Variants in NLRC5 observed in about 807,000 individuals in gnomAD.
NLRC5 encodes NLR family CARD domain containing 5.
In NLRC5, 114 loss-of-function variants were observed where a neutral mutation model predicts 206.9. The ratio of observed to expected loss-of-function variants is 0.55; its 90% confidence interval spans 0.47 to 0.64. NLRC5 has a LOEUF of 0.64. Among genes scored for constraint, NLRC5 ranks in the 30% least tolerant of loss-of-function variants. The probability of loss-of-function intolerance (pLI) is 0.00; values close to 1 mark genes in which losing one functional copy is unlikely to be tolerated. For missense variants in NLRC5, 2,008 were observed against 2,305.5 expected (o/e 0.87, Z 2.64); for synonymous variants, 952 against 962.8 (o/e 0.99, Z 0.21).
At chr16:57,073,308 G>T (rs2067998608) in intron 38 of NLRC5, among the ~76,000 whole-genome samples, 1 of 152,140 alleles carries the variant, frequency 6.6e-6, no homozygotes, top group Non-Finnish European at 1.5e-5. Flanking sequence ...GTGCCCGGAG[G>T]TCTCTTCCCA....
At chr16:57,063,816 G>C (rs1286476793) in intron 32 of NLRC5, among the ~76,000 whole-genome samples, 2 of 152,042 alleles carry the variant, frequency 1.3e-5, no homozygotes, top group Non-Finnish European at 2.9e-5. Context: ...TCGGCTCACT[G>C]CAAGCTCCGC....
intron 6 of NLRC5, 96 bp downstream of exon 6, chr16:57,027,114 A>G: frequency 7.1e-7 from 1 of 1,399,034 alleles, no homozygotes; most frequent in Non-Finnish European, 9.6e-7. Context: ...GGACTGGATA[A>G]GAATCTTGAA....
At chr16:56,991,014 A>G (rs568497678) in intron 1 of NLRC5, 7 of 152,296 alleles carry the variant, frequency 4.6e-5, no homozygotes, top group African/African-American at 1.4e-4. Flanking sequence ...CTGGATGACC[A>G]TGAACTAACC....
chr16:56,996,332 C>T (rs897849036), intron 1 of NLRC5, among the ~76,000 whole-genome samples: 6 of 151,980 alleles, frequency 3.9e-5, no homozygotes, highest in East Asian at 1.9e-4. Context: ...TGCGCACCAC[C>T]ACACCTGGCT....
rs549965020 is a variant in NLRC5 at position 57,023,831 on chromosome 16, G to A, written c.402G>A (p.Lys134=). 4 of 1,611,928 alleles carry A rather than the reference G, an allele frequency of 2.5e-6. No individual in the cohort carries two copies. The South Asian group carries it at 4.4e-5, about 18-fold the overall frequency. Residue 134 remains lysine (K), a synonymous_variant, in exon 5 of 49, where the codon AAG becomes AAA. Transcript: ENST00000688547. ...GCTGTGGGTCCTCACCCCGCCGGAAGCAGTGCAAGAAGCAGCAGCTAGGTG... is the reference window on the plus strand; with the variant it reads ...GCTGTGGGTCCTCACCCCGCCGGAAACAGTGCAAGAAGCAGCAGCTAGGTG... ...HQSCGSSPRR[K]QCKKQQLELA... is the part of the protein sequence containing the mutation.
Position 57,058,298 on chromosome 16 carries a change from C to A in NLRC5, c.3830+150C>A, listed in dbSNP as rs1371209634. The A allele has an allele frequency of 1.6e-5, 10 of 643,772 alleles. No individual in the cohort carries two copies. In the African/African-American group the frequency reaches 1.8e-4, roughly 12 times the overall value. The allele number at this position is 643,772 out of a possible 1,614,324, so 39.9% of individuals were successfully genotyped here. On this transcript the variant is annotated intron_variant, in intron 28 of 48. Coordinates refer to ENST00000688547, the MANE Select transcript of NLRC5 (RefSeq NM_001384950.1). Reference sequence around the variant, plus strand: ...AGGGGCAATTCTTCCCTTGCCTTCACTCCCCTGGCCTTGGGTCCTTTCCTC... The same window carrying A: ...AGGGGCAATTCTTCCCTTGCCTTCAATCCCCTGGCCTTGGGTCCTTTCCTC...
At chr16:57,047,292 G>A (rs2064117714) in intron 22 of NLRC5, among the ~76,000 whole-genome samples, 1 of 152,116 alleles carries the variant, frequency 6.6e-6, no homozygotes, top group South Asian at 2.1e-4. Context: ...GCTCTGGAGG[G>A]GGCGGTGGGG....
Position 57,041,362 on chromosome 16 carries a change from C to T in NLRC5, c.2940-123C>T, listed in dbSNP as rs1597316865. The T allele has an allele frequency of 6.9e-6, 5 of 722,266 alleles. No homozygotes were observed. In the East Asian group the frequency reaches 1.4e-4, roughly 20 times the overall value. The allele number at this position is 722,266 out of a possible 1,614,324, so 44.7% of individuals were successfully genotyped here. On this transcript the variant is annotated intron_variant, in intron 17 of 48. Transcript: ENST00000688547. ...TGTCCGTCTGTCTAGGTGCCAGATA[C>T]ATCCCAGTCCCTCCTCTCCTGCAAG...
chr16:57,026,415 A>G lies in NLRC5; in HGVS notation c.1472A>G (p.His491Arg), dbSNP rs1597227022. The change falls in exon 6 of 49, where the codon CAC (histidine) becomes CGC (arginine). Residue 491 changes from histidine (H) to arginine (R), a missense_variant. Physicochemically the swap from His to Arg is conservative, Grantham distance 29. Coordinates refer to ENST00000688547, the MANE Select transcript of NLRC5 (RefSeq NM_001384950.1). Reference sequence around the variant, plus strand: ...CCCTTGATAGCTTTTGGGGCCACTCACAGCCTGCTGACTTCCTTCTGCGTC... The same window carrying G: ...CCCTTGATAGCTTTTGGGGCCACTCGCAGCCTGCTGACTTCCTTCTGCGTC... ...APPLIAFGAT[H>R]SLLTSFCVCT... is the part of the protein sequence containing the mutation. 6.2e-7 allele frequency: 1 copy of G among 1,614,146 alleles called. No individual in the cohort carries two copies. Among genetic ancestry groups the G allele is most frequent in the East Asian group, 2.2e-5 (1 of 44,882 alleles).
Position 57,059,496 on chromosome 16 carries a change from A to G in NLRC5, c.3950A>G (p.His1317Arg). Residue 1317 changes from histidine (H) to arginine (R), a missense_variant, in exon 30 of 49, where the codon CAC (histidine) becomes CGC (arginine). Coordinates refer to ENST00000688547, the MANE Select transcript of NLRC5 (RefSeq NM_001384950.1). Reference protein sequence around the residue: ...NLGSEQSFRIHFSREDQAGKT... With the variant: ...NLGSEQSFRIRFSREDQAGKT... ...GGCTCTGAGCAGAGCTTCCGGATTC[A>G]CTTCTCCAGAGAGGACCAGGCTGGG... The G allele has an allele frequency of 6.2e-7, 1 of 1,611,962 alleles. No individual in the cohort carries two copies. The highest frequency in any genetic ancestry group is 8.5e-7 in the Non-Finnish European group (1 of 1,179,154).
chr16:57,055,584 G>GT, intron 27 of NLRC5, 65 bp downstream of exon 27: 1 of 1,334,878 alleles, frequency 7.5e-7, no homozygotes, highest in Non-Finnish European at 1.1e-6. Flanking sequence ...ACTGAAGGGG[G>GT]TATGAGGGTC....
In NLRC5 at chr16:57,065,209, CAG is replaced by C; in HGVS notation, c.4155-2_4155-1del. 1 of 1,518,108 alleles carries C rather than the reference CAG, an allele frequency of 6.6e-7. No individual in the cohort carries two copies. Among genetic ancestry groups the C allele is most frequent in the Non-Finnish European group, 8.9e-7 (1 of 1,122,360 alleles). The allele number at this position is 1,518,108 out of a possible 1,614,324, so 94.0% of individuals were successfully genotyped here. ...GCCTTATCTGTGTCCCCTTCTGTGA[CAG>C]GGTGCAGGAGCCGTGGGCGGACAGA... On this transcript the variant is annotated splice_acceptor_variant, in intron 32 of 48. Transcript: ENST00000688547. LOFTEE classifies it high-confidence loss of function.
In NLRC5 at chr16:57,059,464, C is replaced by G. The variant is rs762946099; in HGVS notation, c.3921-3C>G. On this transcript the variant is annotated splice_polypyrimidine_tract_variant and splice_region_variant and intron_variant, in intron 29 of 48. Coordinates refer to ENST00000688547, the MANE Select transcript of NLRC5 (RefSeq NM_001384950.1). ...GTGCTTCCCCAGGCCCTTCTCTCTG[C>G]AGCCTGGGCTCTGAGCAGAGCTTCC... The G allele has an allele frequency of 6.2e-7, 1 of 1,606,388 alleles. No individual in the cohort carries two copies. The highest frequency in any genetic ancestry group is 8.5e-7 in the Non-Finnish European group (1 of 1,176,434).
chr16:57,031,497 T>C lies in NLRC5; in HGVS notation c.2477+34T>C, dbSNP rs199475981. The C allele has an allele frequency of 2.5e-5, 41 of 1,609,676 alleles. No homozygotes were observed. The African/African-American group carries it at 5.0e-4, about 19-fold the overall frequency. On this transcript the variant is annotated intron_variant, in intron 11 of 48. Transcript: ENST00000688547. ...CCAAGAGGCGGTGGGCCTGGGGCCA[T>C]CCTTAGAAGCAACTTGGGCTCAGGC...
At chr16:57,057,497 T>C (rs1165748143) in intron 27 of NLRC5, among the ~76,000 whole-genome samples, 3 of 152,370 alleles carry the variant, frequency 2.0e-5, no homozygotes, top group Admixed American at 2.0e-4. Context: ...AGGTTTCCAA[T>C]ATTGATATTG....
chr16:57,080,481 A>ATTTTTT (rs34595999), intron 46 of NLRC5, among the ~76,000 whole-genome samples: 17 of 111,164 alleles, frequency 1.5e-4, no homozygotes, highest in East Asian at 2.7e-4. Context: ...TCCTTTCAAG[A>ATTTTTT]TTTTTTTTTT....
At chr16:57,053,138 G>A (rs796482063) in intron 24 of NLRC5, 26 of 152,352 alleles carry the variant, frequency 1.7e-4, no homozygotes, top group African/African-American at 6.0e-4. Context: ...GATGAACTTA[G>A]CCAGTGATAA....
rs369614764 is a variant in NLRC5, at chr16:57,028,063, T to C, written c.2076-9T>C. 12 of 1,610,528 alleles carry C rather than the reference T, an allele frequency of 7.5e-6. No homozygotes were observed. Among genetic ancestry groups the C allele is most frequent in the Non-Finnish European group, 9.3e-6 (11 of 1,177,502 alleles). On this transcript the variant is annotated splice_polypyrimidine_tract_variant and intron_variant, in intron 6 of 48. Transcript: ENST00000688547. ...TGATCCTCTGACACTTCGCTTCTTC[T>C]TATGGCAGCTTTAAGAGCAGGAAGT...
rs1400848088 is a variant in NLRC5, at chr16:57,070,427, A to C, written c.4584-108A>C. ...AGGGTGGCCCAGGGCATGCAGATGCAGAGTTGGCCTCCCAGGGGACAGAGC... is the reference window on the plus strand; with the variant it reads ...AGGGTGGCCCAGGGCATGCAGATGCCGAGTTGGCCTCCCAGGGGACAGAGC... On this transcript the variant is annotated intron_variant, in intron 37 of 48. Transcript: ENST00000688547. The C allele has an allele frequency of 3.3e-6, 3 of 906,502 alleles. No homozygotes were observed. In the African/African-American group the frequency reaches 4.9e-5, roughly 15 times the overall value. 56.2% of individuals were successfully genotyped at this position (906,502 alleles called of 1,614,324 possible). A position where few individuals can be genotyped will look rare whatever the true frequency, so the allele number is the denominator to read the frequency against.
Sources: gnomAD v4.1 joint callset for allele counts (sites outside exome capture counted in the v4.1 genomes callset) on GRCh38, gnomAD v4.1.1 for gene constraint, MANE v1.5 for transcripts, NCBI Gene and HGNC (gene_info 2026-07-23, HGNC 2026-07-21) for gene names.